The following PCDH7 variants were observed in gnomAD, a reference collection of about 807,000 sequenced individuals.
The protein encoded by PCDH7 is protocadherin 7.
A neutral mutation model predicts 58.9 loss-of-function variants in PCDH7; 17 were observed. The ratio of observed to expected loss-of-function variants is 0.29; its 90% CI spans 0.20 to 0.43. PCDH7 has a LOEUF of 0.43. Ranked by LOEUF, PCDH7 falls within the 20% of genes least tolerant of loss-of-function variation. The pLI, the probability that PCDH7 is intolerant of heterozygous loss-of-function variation, is 1.00. For synonymous variants in PCDH7, 664 were observed against 616.4 expected (o/e 1.08, Z -1.14); for missense variants, 1,274 against 1,441.0 (o/e 0.88, Z 1.88).
chr4:30,790,555 AG>A (rs1560373112), intron 1 of PCDH7, among the ~76,000 whole-genome samples: 2 of 152,378 alleles, frequency 1.3e-5, no homozygotes, highest in African/African-American at 4.8e-5. Context: ...AAGATGGGAA[AG>A]GTACTCATTA....
intron 2 of PCDH7, among the ~76,000 whole-genome samples, chr4:30,949,431 C>T (rs1747100567): frequency 6.6e-6 from 1 of 152,044 alleles, no homozygotes; most frequent in Admixed American, 6.6e-5. Context: ...CTGCCATCAA[C>T]TGTTTGGTAT....
intron 3 of PCDH7, among the ~76,000 whole-genome samples, chr4:30,992,571 G>T (rs567588794): frequency 6.6e-6 from 1 of 152,078 alleles, no homozygotes; most frequent in Non-Finnish European, 1.5e-5. Flanking sequence ...TTCAGATGGG[G>T]CTAATTTCTT....
intron 1 of PCDH7, among the ~76,000 whole-genome samples, chr4:30,834,909 A>G (rs1028466670): frequency 2.0e-5 from 3 of 150,104 alleles, no homozygotes; most frequent in African/African-American, 7.5e-5. Flanking sequence ...GGTGTTATAT[A>G]TATATATATG....
intron 3 of PCDH7, among the ~76,000 whole-genome samples, chr4:31,101,675 GTCTTA>G (rs1316331048): frequency 2.0e-5 from 3 of 152,094 alleles, no homozygotes; most frequent in African/African-American, 7.2e-5. Flanking sequence ...AATATGAAAA[GTCTTA>G]TCTTAACAGA....
At chr4:30,910,788 C>G (rs147204491) in intron 1 of PCDH7, among the ~76,000 whole-genome samples, 1 of 152,238 alleles carries the variant, frequency 6.6e-6, no homozygotes, top group Non-Finnish European at 1.5e-5. Context: ...TACCATTTGA[C>G]CCAGCAATCT....
At chr4:31,003,968 C>T (rs1473420498) in intron 3 of PCDH7, among the ~76,000 whole-genome samples, 4 of 152,072 alleles carry the variant, frequency 2.6e-5, no homozygotes, top group Admixed American at 2.0e-4. Context: ...GACCTGACAT[C>T]AGCATTTTAG....
chr4:30,930,603 G>C (rs759169520), intron 2 of PCDH7, among the ~76,000 whole-genome samples: 1 of 152,108 alleles, frequency 6.6e-6, no homozygotes, highest in African/African-American at 2.4e-5. Context: ...TAAGGGAGAA[G>C]TAAGTTTCAG....
At chr4:31,023,948 A>G (rs1225071229) in intron 3 of PCDH7, among the ~76,000 whole-genome samples, 1 of 152,184 alleles carries the variant, frequency 6.6e-6, no homozygotes, top group Non-Finnish European at 1.5e-5. Flanking sequence ...AGGTCAGGGA[A>G]TGTAATGAGA....
intron 3 of PCDH7, among the ~76,000 whole-genome samples, chr4:31,082,881 G>A (rs1371436156): frequency 6.6e-6 from 1 of 152,136 alleles, no homozygotes; most frequent in Non-Finnish European, 1.5e-5. Flanking sequence ...GGCCAAGGTG[G>A]GCGGATCACG....
intron 1 of PCDH7, among the ~76,000 whole-genome samples, chr4:30,739,139 T>A (rs1056620449): frequency 2.8e-5 from 4 of 145,336 alleles, no homozygotes; most frequent in East Asian, 2.0e-4. Context: ...TATATAAAAA[T>A]ATATATATTT....
At chr4:30,826,808 C>G (rs1381498166) in intron 1 of PCDH7, among the ~76,000 whole-genome samples, 2 of 152,080 alleles carry the variant, frequency 1.3e-5, no homozygotes, top group Non-Finnish European at 2.9e-5. Context: ...TCACTGCAGC[C>G]TAGACAACCG....
intron 3 of PCDH7, among the ~76,000 whole-genome samples, chr4:31,077,176 C>T (rs1054119384): frequency 5.9e-5 from 9 of 151,880 alleles, no homozygotes; most frequent in African/African-American, 1.5e-4. Context: ...TTTGGGAGGC[C>T]GAGGCGAGCA....
rs190997973 is a variant in PCDH7 at position 30,960,329 on chromosome 4, C to A, written c.*7+10114C>A. 6.4e-4 allele frequency among the ~76,000 whole-genome samples: 97 copies of A among 151,988 alleles called. 2 individuals carry two copies. The highest frequency in any genetic ancestry group is 1.5e-4 in the Non-Finnish European group (10 of 67,976). On this transcript the variant is annotated intron_variant, in intron 3 of 3. Coordinates refer to the PCDH7 transcript ENST00000509759. ...CGAGACATGCTTTTGGGAATGAATT[C>A]GAAAATGAGAATTGGCTGTGGCTAG...
chr4:31,062,272 G>A (rs1453629941), intron 3 of PCDH7, among the ~76,000 whole-genome samples: 1 of 151,522 alleles, frequency 6.6e-6, no homozygotes, highest in Non-Finnish European at 1.5e-5. Flanking sequence ...AATGCACTAA[G>A]GATATTGCAT....
intron 3 of PCDH7, among the ~76,000 whole-genome samples, chr4:31,029,752 A>C (rs1401440811): frequency 1.3e-5 from 2 of 152,154 alleles, no homozygotes; most frequent in African/African-American, 4.8e-5. Flanking sequence ...AACTCCAGGC[A>C]GGCAGATAGG....
intron 1 of PCDH7, among the ~76,000 whole-genome samples, chr4:30,858,824 T>G (rs1733815612): frequency 6.6e-6 from 1 of 152,146 alleles, no homozygotes. Flanking sequence ...TAAACTTAAG[T>G]GTGTCCTGTG....
chr4:30,725,075 C>T (rs989582754), intron 1 of PCDH7: 3 of 1,001,738 alleles, frequency 3.0e-6, no homozygotes, highest in African/African-American at 3.5e-5. Context: ...CAGGATTTTA[C>T]AGATAAATAG....
intron 3 of PCDH7, among the ~76,000 whole-genome samples, chr4:30,964,261 AG>A (rs1748778201): frequency 7.7e-6 from 1 of 130,066 alleles, no homozygotes; most frequent in South Asian, 2.7e-4. Flanking sequence ...TTTTTTTTTG[AG>A]ATGAAATCTG....
intron 3 of PCDH7, among the ~76,000 whole-genome samples, chr4:30,997,740 A>G (rs1752030628): frequency 6.6e-6 from 1 of 152,170 alleles, no homozygotes; most frequent in Non-Finnish European, 1.5e-5. Flanking sequence ...AGGTGATAAT[A>G]TATGCTGAAT....
Sources: allele counts gnomAD v4.1 joint callset (sites outside exome capture counted in the v4.1 genomes callset), GRCh38; gene constraint gnomAD v4.1.1; transcripts MANE v1.5; gene names NCBI Gene and HGNC (gene_info 2026-07-23, HGNC 2026-07-21).